The following CTNNA2 variants were observed in gnomAD, a reference collection of about 807,000 sequenced individuals.
CTNNA2 encodes catenin alpha-2.
CTNNA2 carries 42 observed loss-of-function variants against 101.0 expected under a neutral mutation model. The ratio of observed to expected loss-of-function variants is 0.42; its 90% CI spans 0.32 to 0.54. The LOEUF (loss-of-function observed/expected upper bound fraction) is 0.54. Among genes scored for constraint, CTNNA2 ranks in the 20% least tolerant of loss-of-function variants. CTNNA2 has a pLI of 0.14. For missense variants in CTNNA2, 871 were observed against 1,223.1 expected, an observed-to-expected ratio of 0.71 and a Z score of 4.29; for synonymous variants, 450 against 456.4, an observed-to-expected ratio of 0.99 and a Z score of 0.18.
chr2:79,833,723 A>G (rs999551255), intron 3 of CTNNA2, among the ~76,000 whole-genome samples: 2 of 152,224 alleles, frequency 1.3e-5, no homozygotes. Flanking sequence ...TATTCTTGGA[A>G]GAGCTCTCTT....
chr2:80,020,500 C>T (rs1694481116), intron 7 of CTNNA2, among the ~76,000 whole-genome samples: 1 of 151,998 alleles, frequency 6.6e-6, no homozygotes, highest in Non-Finnish European at 1.5e-5. Context: ...CAGAAATGAT[C>T]AGATGTGAAG....
intron 7 of CTNNA2, among the ~76,000 whole-genome samples, chr2:80,366,248 C>T (rs1331891234): frequency 6.6e-6 from 1 of 152,052 alleles, no homozygotes; most frequent in Non-Finnish European, 1.5e-5. Flanking sequence ...AACATCAGCT[C>T]CTGAAGATTT....
chr2:80,043,173 CCTTCCTTCCTTT>C (rs1177060396), intron 7 of CTNNA2, among the ~76,000 whole-genome samples: 120 of 79,828 alleles, frequency 1.5e-3, no homozygotes, highest in African/African-American at 6.3e-3. Context: ...TTCCTTCCTT[CCTTCCTTCCTTT>C]CTTTCTTTCT....
chr2:79,557,889 A>G (rs1026144318), intron 1 of CTNNA2, among the ~76,000 whole-genome samples: 2 of 152,000 alleles, frequency 1.3e-5, no homozygotes, highest in Non-Finnish European at 2.9e-5. Context: ...CTTTCAGTTT[A>G]GTAGAATTAT....
intron 3 of CTNNA2, among the ~76,000 whole-genome samples, chr2:79,751,421 C>T (rs1254057530): frequency 4.0e-5 from 6 of 151,590 alleles, no homozygotes; most frequent in African/African-American, 1.5e-4. Flanking sequence ...TAGTGAAACC[C>T]CGTCTCTACT....
At chr2:79,344,891 A>ATAT (rs2104432665) in intron 3 of CTNNA2, among the ~76,000 whole-genome samples, 1 of 146,786 alleles carries the variant, frequency 6.8e-6, no homozygotes, top group South Asian at 2.1e-4. Flanking sequence ...ATATATATAT[A>ATAT]AAGTCTTAAA....
Position 80,620,692 on chromosome 2 carries a change from C to T in CTNNA2, c.2574+1464C>T, listed in dbSNP as rs1033622396. The stretch of plus-strand genomic sequence containing the variant: ...TCTGACCTACCTTCCATTAAAAGTA[C>T]TAGACCCCTGAAACCCAGGTAGAAG... On this transcript the variant is annotated intron_variant, in intron 18 of 18. Transcript: ENST00000402739. 2.0e-5 allele frequency among the ~76,000 whole-genome samples: 3 copies of T among 151,928 alleles called. No individual in the cohort carries two copies. The East Asian group carries it at 5.8e-4, about 30-fold the overall frequency.
intron 7 of CTNNA2, among the ~76,000 whole-genome samples, chr2:80,228,216 T>C (rs1420451710): frequency 6.6e-6 from 1 of 152,234 alleles, no homozygotes; most frequent in African/African-American, 2.4e-5. Context: ...CCAGGCGATT[T>C]ATAAACAACA....
intron 3 of CTNNA2, among the ~76,000 whole-genome samples, chr2:79,367,274 G>C: frequency 6.6e-6 from 1 of 152,166 alleles, no homozygotes; most frequent in South Asian, 2.1e-4. Context: ...TTAGCCTCCA[G>C]AGCTGTTAGA....
intron 1 of CTNNA2, among the ~76,000 whole-genome samples, chr2:79,601,910 G>A (rs528058044): frequency 6.6e-6 from 1 of 152,288 alleles, no homozygotes; most frequent in African/African-American, 2.4e-5. Context: ...TCACATCTTA[G>A]TCTAGCTTAC....
chr2:80,042,692 T>C (rs1696147917), intron 7 of CTNNA2, among the ~76,000 whole-genome samples: 2 of 152,236 alleles, frequency 1.3e-5, no homozygotes, highest in African/African-American at 4.8e-5. Context: ...AATACTCATG[T>C]GGTACATTCA....
intron 4 of CTNNA2, among the ~76,000 whole-genome samples, chr2:79,386,478 T>C (rs955138577): frequency 1.3e-5 from 2 of 152,196 alleles, no homozygotes; most frequent in Non-Finnish European, 2.9e-5. Context: ...ACTTTTTTCT[T>C]CTCCACAATA....
chr2:80,103,010 C>T (rs1216264620), intron 7 of CTNNA2, among the ~76,000 whole-genome samples: 1 of 152,102 alleles, frequency 6.6e-6, no homozygotes, highest in Non-Finnish European at 1.5e-5. Context: ...TGAGTGAGGT[C>T]GGAGAGCAGC....
chr2:79,860,978 T>A (rs1159681926), intron 4 of CTNNA2, among the ~76,000 whole-genome samples: 2 of 152,214 alleles, frequency 1.3e-5, no homozygotes, highest in African/African-American at 4.8e-5. Flanking sequence ...ATGAAGAACA[T>A]GTCAAATAGC....
intron 3 of CTNNA2, among the ~76,000 whole-genome samples, chr2:79,829,820 C>T (rs1291419628): frequency 4.0e-5 from 6 of 151,684 alleles, no homozygotes; most frequent in African/African-American, 1.5e-4. Flanking sequence ...CCCGGGTTCA[C>T]GCCGTTGTCC....
chr2:79,414,278 A>C (rs1678452255), intron 4 of CTNNA2, among the ~76,000 whole-genome samples: 1 of 152,022 alleles, frequency 6.6e-6, no homozygotes, highest in African/African-American at 2.4e-5. Context: ...TAAATTCTAC[A>C]TTCTAAGAAT....
At chr2:79,215,258 C>T (rs1428466239) in intron 2 of CTNNA2, among the ~76,000 whole-genome samples, 7 of 152,110 alleles carry the variant, frequency 4.6e-5, no homozygotes, top group Admixed American at 6.5e-5. Flanking sequence ...GGCCTGGTTG[C>T]CAGATTTCTG....
chr2:80,139,564 G>A (rs1473534524), intron 7 of CTNNA2, among the ~76,000 whole-genome samples: 1 of 152,072 alleles, frequency 6.6e-6, no homozygotes, highest in Non-Finnish European at 1.5e-5. Flanking sequence ...ATGTGTAAGT[G>A]TAATACGTAT....
chr2:79,677,394 C>A (rs1400264088), intron 2 of CTNNA2, among the ~76,000 whole-genome samples: 1 of 152,054 alleles, frequency 6.6e-6, no homozygotes, highest in Non-Finnish European at 1.5e-5. Context: ...CTCTTTCTTC[C>A]CTCTATTTTC....
Sources: gnomAD v4.1 joint callset for allele counts (sites outside exome capture counted in the v4.1 genomes callset) on GRCh38, gnomAD v4.1.1 for gene constraint, MANE v1.5 for transcripts, NCBI Gene and HGNC (gene_info 2026-07-23, HGNC 2026-07-21) for gene names.